Variants in CELF2 observed in about 807,000 individuals in gnomAD.
CELF2 encodes CUGBP Elav-like family member 2.
Under a neutral mutation model 62.6 loss-of-function variants are expected in CELF2, and 8 were observed. The ratio of observed to expected loss-of-function variants is 0.13; its 90% CI spans 0.07 to 0.23. CELF2 has a LOEUF of 0.23. CELF2 is among the 10% of genes least tolerant of loss of function. The pLI, the probability that CELF2 is intolerant of heterozygous loss-of-function variation, is 1.00. For missense variants in CELF2, 333 were observed against 671.0 expected, an observed-to-expected ratio of 0.50 and a Z score of 5.56; for synonymous variants, 258 against 250.0, an observed-to-expected ratio of 1.03 and a Z score of -0.30.
chr10:10,756,467 T>C, the CELF2 span, among the ~76,000 whole-genome samples: 1 of 152,202 alleles, frequency 6.6e-6, no homozygotes, highest in Non-Finnish European at 1.5e-5. Context: ...TTTCACTTTT[T>C]CTAAAATAAA....
At chr10:10,698,233 G>T in the CELF2 span, among the ~76,000 whole-genome samples, 1 of 152,136 alleles carries the variant, frequency 6.6e-6, no homozygotes, top group East Asian at 1.9e-4. Context: ...ACTATAAAAT[G>T]GCTCCAGGAA....
chr10:11,250,053 T>G (rs1410619704), intron 4 of CELF2, among the ~76,000 whole-genome samples: 1 of 152,258 alleles, frequency 6.6e-6, no homozygotes, highest in Non-Finnish European at 1.5e-5. Context: ...TCTACGTATC[T>G]GCAAATGTAA....
At chr10:11,179,608 A>G (rs2072561854) in intron 2 of CELF2, among the ~76,000 whole-genome samples, 3 of 152,118 alleles carry the variant, frequency 2.0e-5, no homozygotes. Context: ...TGTGTTGAGA[A>G]CCCTACGTGC....
chr10:10,851,349 C>T (rs1388934592), intron 1 of CELF2, among the ~76,000 whole-genome samples: 1 of 152,146 alleles, frequency 6.6e-6, no homozygotes, highest in African/African-American at 2.4e-5. Context: ...GACATGCCCT[C>T]CCACTATAAA....
chr10:10,511,974 G>T, the CELF2 span, among the ~76,000 whole-genome samples: 17 of 152,330 alleles, frequency 1.1e-4, no homozygotes, highest in African/African-American at 3.8e-4. Context: ...GATTGCAAAT[G>T]TCAGACCTTC....
intron 2 of CELF2, among the ~76,000 whole-genome samples, chr10:10,921,907 T>C (rs571406871): frequency 2.0e-5 from 3 of 152,318 alleles, no homozygotes; most frequent in African/African-American, 7.2e-5. Flanking sequence ...TGTATTCATA[T>C]GTCCTAGGAT....
chr10:10,511,310 C>A, the CELF2 span, among the ~76,000 whole-genome samples: 2 of 152,064 alleles, frequency 1.3e-5, no homozygotes, highest in Non-Finnish European at 2.9e-5. Flanking sequence ...ACTGGAGAGA[C>A]TGAGGCAGGG....
At chr10:10,691,465 A>T in the CELF2 span, among the ~76,000 whole-genome samples, 1 of 150,168 alleles carries the variant, frequency 6.7e-6, no homozygotes, top group African/African-American at 2.5e-5. Flanking sequence ...CACAATAAAC[A>T]TACGTGTGCA....
At chr10:10,734,660 G>A in the CELF2 span, among the ~76,000 whole-genome samples, 1 of 152,198 alleles carries the variant, frequency 6.6e-6, no homozygotes, top group Non-Finnish European at 1.5e-5. Flanking sequence ...AGTAACCCTA[G>A]AGGAGGTAAG....
intron 1 of CELF2, among the ~76,000 whole-genome samples, chr10:10,895,636 A>C (rs2062492546): frequency 6.6e-6 from 1 of 152,222 alleles, no homozygotes; most frequent in Non-Finnish European, 1.5e-5. Context: ...TCCAGTCCCC[A>C]AAAATACAAC....
At chr10:10,551,678 A>G in the CELF2 span, among the ~76,000 whole-genome samples, 1 of 152,208 alleles carries the variant, frequency 6.6e-6, no homozygotes, top group South Asian at 2.1e-4. Context: ...GGCCTTCATT[A>G]CAGCGTGGTC....
chr10:10,804,927 T>A (rs771981294), intron 1 of CELF2, among the ~76,000 whole-genome samples: 3 of 152,118 alleles, frequency 2.0e-5, no homozygotes, highest in Non-Finnish European at 4.4e-5. Context: ...CTTCGGTTCA[T>A]GTCACATGAC....
At chr10:10,531,460 T>A in the CELF2 span, among the ~76,000 whole-genome samples, 1 of 152,134 alleles carries the variant, frequency 6.6e-6, no homozygotes, top group Admixed American at 6.5e-5. Context: ...GACAAACAGT[T>A]CTATGAAGGG....
intron 1 of CELF2, among the ~76,000 whole-genome samples, chr10:11,053,685 A>G (rs1161600925): frequency 7.6e-6 from 1 of 131,934 alleles, no homozygotes; most frequent in Non-Finnish European, 1.5e-5. Flanking sequence ...CGTGATCTCC[A>G]CTCACTGCAA....
Position 11,075,150 on chromosome 10 carries a change from G to T in CELF2, c.74+56987G>T. 1 of 152,476 alleles carries T rather than the reference G, an allele frequency of 6.6e-6. No individual in the cohort carries two copies. The highest frequency in any genetic ancestry group is 1.5e-5 in the Non-Finnish European group (1 of 68,228). 9.4% of individuals were successfully genotyped at this position (152,476 alleles called of 1,614,324 possible). A position where few individuals can be genotyped will look rare whatever the true frequency, so the allele number is the denominator to read the frequency against. Reference sequence around the variant, plus strand: ...ATGGTCTTGTCCCTTGTCAAGTGTGGCTTGATTGTCTTCCTCTTCCTTGGC... The same window carrying T: ...ATGGTCTTGTCCCTTGTCAAGTGTGTCTTGATTGTCTTCCTCTTCCTTGGC... On this transcript the variant is annotated intron_variant, in intron 1 of 12. Coordinates refer to ENST00000633077, the MANE Select transcript of CELF2 (RefSeq NM_001326342.2). This position sits in a 1 kb window ranked among gnomAD's most constrained non-coding sequence, Gnocchi z 5.4.
chr10:10,876,971 G>A (rs186820267), intron 1 of CELF2, among the ~76,000 whole-genome samples: 2 of 152,348 alleles, frequency 1.3e-5, no homozygotes, highest in Admixed American at 1.3e-4. Context: ...CATTTCCTCA[G>A]CTGAATGCCA....
At chr10:10,889,964 T>A (rs955989850) in intron 1 of CELF2, among the ~76,000 whole-genome samples, 1 of 152,224 alleles carries the variant, frequency 6.6e-6, no homozygotes, top group Non-Finnish European at 1.5e-5. Context: ...TATACTGATG[T>A]GGATCAACAT....
At chr10:10,499,179 G>A in the CELF2 span, among the ~76,000 whole-genome samples, 7 of 150,976 alleles carry the variant, frequency 4.6e-5, no homozygotes, top group Non-Finnish European at 7.4e-5. Context: ...CGATTCTTGT[G>A]CCTCAGCCTC....
the CELF2 span, among the ~76,000 whole-genome samples, chr10:10,519,718 A>G: frequency 2.4e-4 from 37 of 152,334 alleles, no homozygotes; most frequent in African/African-American, 8.9e-4. Context: ...GGGTTGAAAG[A>G]CAAATGAAAA....
Sources: gnomAD v4.1 joint callset for allele counts (sites outside exome capture counted in the v4.1 genomes callset) on GRCh38, gnomAD v4.1.1 for gene constraint, Gnocchi (gnomAD v3.1) non-coding constraint, MANE v1.5 for transcripts, NCBI Gene and HGNC (gene_info 2026-07-23, HGNC 2026-07-21) for gene names.